ZNF385D: variants seen among roughly 807,000 people sequenced by gnomAD.
ZNF385D encodes zinc finger protein 385D.
In ZNF385D, 15 loss-of-function variants were observed where a neutral mutation model predicts 35.8. That is an observed-to-expected ratio of 0.42 (90% CI 0.28 to 0.64). The LOEUF (loss-of-function observed/expected upper bound fraction) is 0.64, where lower values mean the gene tolerates loss of function less well. Among genes scored for constraint, ZNF385D ranks in the 30% least tolerant of loss-of-function variants. The pLI is 0.23. For missense variants in ZNF385D, 474 were observed against 494.6 expected, an observed-to-expected ratio of 0.96 and a Z score of 0.39; for synonymous variants, 212 against 186.8, an observed-to-expected ratio of 1.13 and a Z score of -1.10.
intron 2 of ZNF385D, among the ~76,000 whole-genome samples, chr3:22,284,357 C>CT (rs957242592): frequency 2.0e-5 from 3 of 151,616 alleles, no homozygotes; most frequent in Admixed American, 2.0e-4. Flanking sequence ...CCCGGCTATT[C>CT]TTTTTTTTAT....
intron 3 of ZNF385D, among the ~76,000 whole-genome samples, chr3:21,886,591 G>C (rs1452831898): frequency 2.0e-5 from 3 of 152,008 alleles, no homozygotes; most frequent in Non-Finnish European, 4.4e-5. Flanking sequence ...TATGAGTCTT[G>C]TTCAGGCCTA....
chr3:22,190,985 G>T (rs1480763937), intron 2 of ZNF385D, among the ~76,000 whole-genome samples: 1 of 151,884 alleles, frequency 6.6e-6, no homozygotes, highest in Non-Finnish European at 1.5e-5. Context: ...TAAATTACAT[G>T]GCTGTTATTC....
At chr3:22,176,237 A>G (rs564789059) in intron 2 of ZNF385D, among the ~76,000 whole-genome samples, 51 of 152,250 alleles carry the variant, frequency 3.3e-4, no homozygotes, top group African/African-American at 1.2e-3. Context: ...GAACTCACCA[A>G]TATTTAGCCA....
chr3:21,451,175 C>A lies in ZNF385D; in HGVS notation c.440-13972G>T, dbSNP rs150268955. 5.9e-5 allele frequency among the ~76,000 whole-genome samples: 9 copies of A among 151,946 alleles called. No individual in the cohort carries two copies. The South Asian group carries it at 8.3e-4, about 14-fold the overall frequency. ...GATCAATATGACGAACCAATCAATA[C>A]GATTTTGATGAAATTCTTCTCTATC... On this transcript the variant is annotated intron_variant, in intron 4 of 7. Transcript: ENST00000281523.
intron 2 of ZNF385D, among the ~76,000 whole-genome samples, chr3:22,311,240 TTTATA>T (rs1468324348): frequency 6.6e-6 from 1 of 152,050 alleles, no homozygotes; most frequent in Non-Finnish European, 1.5e-5. Flanking sequence ...TACTTTTATC[TTTATA>T]TTAAACACTT....
At chr3:21,590,203 G>A (rs148203518) in intron 2 of ZNF385D, among the ~76,000 whole-genome samples, 5 of 152,240 alleles carry the variant, frequency 3.3e-5, no homozygotes, top group African/African-American at 1.2e-4. Flanking sequence ...CAACATGGAT[G>A]GATCTCAGAC....
intron 2 of ZNF385D, among the ~76,000 whole-genome samples, chr3:21,661,914 A>G (rs1479308734): frequency 6.6e-6 from 1 of 152,190 alleles, no homozygotes; most frequent in Non-Finnish European, 1.5e-5. Context: ...GAAGACAATA[A>G]TAAGAGATAT....
intron 3 of ZNF385D, among the ~76,000 whole-genome samples, chr3:22,103,283 T>C (rs79186879): frequency 0.11 from 16,641 of 151,556 alleles, 1,113 homozygotes; most frequent in Admixed American, 0.19. Context: ...AAGGGCCATA[T>C]CTAATCACTG....
Position 21,421,193 on chromosome 3 carries a change from A to G in ZNF385D, c.*21T>C, listed in dbSNP as rs768325972. 9 of 1,596,680 alleles carry G rather than the reference A, an allele frequency of 5.6e-6. No individual in the cohort carries two copies. The highest frequency in any genetic ancestry group is 6.9e-6 in the Non-Finnish European group (8 of 1,164,972). Reference sequence around the variant, plus strand: ...TTGTTTTTTGAAAAATTATTGCAGTACAATTACTCCTATTTGGAATTTAGT... The same window carrying G: ...TTGTTTTTTGAAAAATTATTGCAGTGCAATTACTCCTATTTGGAATTTAGT... On this transcript the variant is annotated 3_prime_UTR_variant, in exon 8 of 8. Coordinates refer to ENST00000281523, the MANE Select transcript of ZNF385D (RefSeq NM_024697.3).
chr3:21,554,210 T>C (rs2062657648), intron 3 of ZNF385D, among the ~76,000 whole-genome samples: 2 of 152,212 alleles, frequency 1.3e-5, no homozygotes, highest in South Asian at 2.1e-4. Context: ...GTCAAAATTA[T>C]GTCTTTATCC....
At chr3:22,261,769 C>A (rs185732097) in intron 2 of ZNF385D, among the ~76,000 whole-genome samples, 1 of 152,062 alleles carries the variant, frequency 6.6e-6, no homozygotes, top group East Asian at 2.0e-4. Flanking sequence ...CAGAGCCCAT[C>A]TGTTGGCTTC....
At position 21,501,990 on chromosome 3, in the gene ZNF385D, G is replaced by A. The variant is rs571951254; in HGVS notation, c.439+8871C>T. Among the ~76,000 whole-genome samples, 6 of 152,258 alleles carry A rather than the reference G, an allele frequency of 3.9e-5. No homozygotes were observed. The East Asian group carries it at 1.2e-3, about 29-fold the overall frequency. ...AAAGAAAGACAGTCAAAAACACACT[G>A]TATACACATACTCACATGCATATGC... On this transcript the variant is annotated intron_variant, in intron 4 of 7. Coordinates refer to ENST00000281523, the MANE Select transcript of ZNF385D (RefSeq NM_024697.3).
Position 21,847,051 on chromosome 3 carries a change from C to A in ZNF385D, c.326-182023G>T, listed in dbSNP as rs114565797. On this transcript the variant is annotated intron_variant, in intron 3 of 5. Transcript: ENST00000494108. The stretch of plus-strand genomic sequence containing the variant: ...TACTTTTGTGTTACAGGGCTTCAAC[C>A]TGAACTTTTTCAGTTGAAGTTATTT... Among the ~76,000 whole-genome samples the A allele has an allele frequency of 4.7e-3, 712 of 152,120 alleles. 5 individuals carry two copies. Among genetic ancestry groups the A allele is most frequent in the African/African-American group, 0.016 (672 of 41,538 alleles).
At chr3:22,253,640 C>T (rs906759085) in intron 2 of ZNF385D, among the ~76,000 whole-genome samples, 4 of 151,808 alleles carry the variant, frequency 2.6e-5, no homozygotes, top group Admixed American at 6.6e-5. Flanking sequence ...AGGTTTAATG[C>T]AATTTAATTT....
At chr3:21,758,083 G>A (rs9825051) in intron 3 of ZNF385D, among the ~76,000 whole-genome samples, 103,059 of 152,034 alleles carry the variant, frequency 0.68, 36,019 homozygotes, top group East Asian at 0.9. Flanking sequence ...TTTGTTTTCT[G>A]AGATATTTTC....
chr3:22,020,313 C>G (rs1053649161), intron 3 of ZNF385D, among the ~76,000 whole-genome samples: 1 of 151,892 alleles, frequency 6.6e-6, no homozygotes, highest in African/African-American at 2.4e-5. Context: ...GTATAGATTT[C>G]AAGTATGTTG....
At chr3:21,900,627 G>A (rs2125897307) in intron 3 of ZNF385D, among the ~76,000 whole-genome samples, 1 of 152,102 alleles carries the variant, frequency 6.6e-6, no homozygotes, top group East Asian at 1.9e-4. Flanking sequence ...ATTCAGAGAA[G>A]ACAGACTATA....
At chr3:21,924,890 G>C (rs1488803974) in intron 3 of ZNF385D, among the ~76,000 whole-genome samples, 4 of 152,182 alleles carry the variant, frequency 2.6e-5, no homozygotes, top group African/African-American at 7.2e-5. Context: ...CTGGCAGTAA[G>C]AAAGTGGTGC....
intron 2 of ZNF385D, among the ~76,000 whole-genome samples, chr3:22,229,728 A>G (rs933725317): frequency 6.6e-6 from 1 of 152,148 alleles, no homozygotes; most frequent in Non-Finnish European, 1.5e-5. Context: ...GCAATAGACA[A>G]GTGGTCACTC....
Sources: allele counts gnomAD v4.1 joint callset (sites outside exome capture counted in the v4.1 genomes callset), GRCh38; gene constraint gnomAD v4.1.1; transcripts MANE v1.5; gene names NCBI Gene and HGNC (gene_info 2026-07-23, HGNC 2026-07-21).